Variants in PCDHGA4 observed in about 807,000 individuals in gnomAD.
The protein encoded by PCDHGA4 is protocadherin gamma subfamily A, 4, also known as protocadherin gamma-A4.
PCDHGA4 carries 38 observed loss-of-function variants against 54.6 expected under a neutral mutation model. The observed-to-expected ratio is 0.70, with a 90% CI of 0.54 to 0.91. The LOEUF (loss-of-function observed/expected upper bound fraction) is 0.91. Among genes scored for constraint, PCDHGA4 ranks in the 40% least tolerant of loss-of-function variants. The pLI is 0.00. For missense variants in PCDHGA4, 1,298 were observed against 1,220.9 expected (o/e 1.06, Z -0.94); for synonymous variants, 511 against 512.9 (o/e 1.00, Z 0.05).
At chr5:141,483,258 T>G (rs2099579023) in intron 1 of PCDHGA4, among the ~76,000 whole-genome samples, 1 of 137,930 alleles carries the variant, frequency 7.3e-6, no homozygotes, top group South Asian at 2.1e-4. Flanking sequence ...TCATGAGGTT[T>G]TTTTGTTTTA....
At chr5:141,422,989 C>T (rs777558098) in intron 1 of PCDHGA4, 1 of 1,614,232 alleles carries the variant, frequency 6.2e-7, no homozygotes, top group African/African-American at 1.3e-5. Flanking sequence ...ACCTGGCTAC[C>T]TGGTGACCAA....
rs774992336 is a variant in PCDHGA4, at chr5:141,409,845, T to G, written c.2514+52224T>G. The G allele has an allele frequency of 7.4e-6, 12 of 1,611,748 alleles. No homozygotes were observed. In the African/African-American group the frequency reaches 1.6e-4, roughly 22 times the overall value. On this transcript the variant is annotated intron_variant, in intron 1 of 3. Coordinates refer to ENST00000571252, the MANE Select transcript of PCDHGA4 (RefSeq NM_018917.4). ...CCCACGCTCAGCGCCAACGTGAGCCTGCGCGTGTTGGTGGGAGACCGCAAT... is the reference window on the plus strand; with the variant it reads ...CCCACGCTCAGCGCCAACGTGAGCCGGCGCGTGTTGGTGGGAGACCGCAAT...
intron 1 of PCDHGA4, among the ~76,000 whole-genome samples, chr5:141,449,310 A>G (rs1006876700): frequency 4.6e-5 from 7 of 152,112 alleles, no homozygotes; most frequent in Non-Finnish European, 7.4e-5. Context: ...TATGTATTAT[A>G]TAATTGTATC....
At chr5:141,403,804 T>G (rs2094456767) in intron 1 of PCDHGA4, 1 of 1,613,764 alleles carries the variant, frequency 6.2e-7, no homozygotes, top group Non-Finnish European at 8.5e-7. Context: ...TCTGGAAAAT[T>G]AATGAAAAAC....
intron 1 of PCDHGA4, chr5:141,408,627 T>A: frequency 6.2e-7 from 1 of 1,613,916 alleles, no homozygotes; most frequent in Admixed American, 1.7e-5. Flanking sequence ...CATTTAGAAA[T>A]TTTCGAATCT....
At chr5:141,388,622 A>G (rs754411917) in intron 1 of PCDHGA4, 3 of 1,613,952 alleles carry the variant, frequency 1.9e-6, no homozygotes, top group South Asian at 1.1e-5. Flanking sequence ...GTCAAGACGT[A>G]TACAGGGTGA....
chr5:141,430,155 A>G (rs1440666899), intron 1 of PCDHGA4, among the ~76,000 whole-genome samples: 7 of 152,184 alleles, frequency 4.6e-5, no homozygotes, highest in Admixed American at 1.3e-4. Flanking sequence ...CATTCAAGGA[A>G]TCTATTTAAA....
chr5:141,466,746 T>C (rs1035272591), intron 1 of PCDHGA4, among the ~76,000 whole-genome samples: 1 of 152,224 alleles, frequency 6.6e-6, no homozygotes, highest in African/African-American at 2.4e-5. Context: ...GTTACTCTGA[T>C]AGGGGCTCTT....
intron 1 of PCDHGA4, among the ~76,000 whole-genome samples, chr5:141,455,028 G>A (rs2098810519): frequency 6.6e-6 from 1 of 150,780 alleles, no homozygotes; most frequent in Non-Finnish European, 1.5e-5. Flanking sequence ...TAGCCAGGAT[G>A]GTCTCGATCT....
intron 1 of PCDHGA4, chr5:141,388,386 C>G: frequency 6.2e-7 from 1 of 1,613,944 alleles, no homozygotes; most frequent in Non-Finnish European, 8.5e-7. Flanking sequence ...CAACACACTG[C>G]AGAATTACCA....
intron 1 of PCDHGA4, chr5:141,423,700 G>A (rs753612385): frequency 7.5e-7 from 1 of 1,324,816 alleles, no homozygotes; most frequent in Non-Finnish European, 9.8e-7. Context: ...TTGGTGTCTT[G>A]GCACAAGTCT....
chr5:141,372,626 C>A lies in PCDHGA4; in HGVS notation c.2514+15005C>A, dbSNP rs1385028650. Reference sequence around the variant, plus strand: ...TACCTGGAGTTCTCCCCACCTACAGCGAAAGGACTTTGCCTTATTCCTACA... The same window carrying A: ...TACCTGGAGTTCTCCCCACCTACAGAGAAAGGACTTTGCCTTATTCCTACA... On this transcript the variant is annotated intron_variant, in intron 1 of 3. Coordinates refer to ENST00000571252, the MANE Select transcript of PCDHGA4 (RefSeq NM_018917.4). 5 of 1,613,792 alleles carry A rather than the reference C, an allele frequency of 3.1e-6. No individual in the cohort carries two copies. The African/African-American group carries it at 6.7e-5, about 22-fold the overall frequency.
chr5:141,421,219 G>C (rs894586889), intron 1 of PCDHGA4: 1 of 1,573,208 alleles, frequency 6.4e-7, no homozygotes. Context: ...TATCGGCTTA[G>C]AGCCTGCCAT....
intron 1 of PCDHGA4, chr5:141,375,374 C>T: frequency 2.5e-6 from 4 of 1,613,952 alleles, no homozygotes; most frequent in Non-Finnish European, 3.4e-6. Flanking sequence ...AGGAACACCA[C>T]CTCTGTCTAC....
intron 1 of PCDHGA4, among the ~76,000 whole-genome samples, chr5:141,482,442 C>T (rs942933015): frequency 1.4e-5 from 2 of 147,678 alleles, no homozygotes; most frequent in Non-Finnish European, 3.0e-5. Flanking sequence ...CTGATATTCA[C>T]CATTTATTAG....
chr5:141,371,219 C>T, intron 1 of PCDHGA4: 13 of 1,613,954 alleles, frequency 8.1e-6, no homozygotes, highest in Middle Eastern at 1.6e-4. Flanking sequence ...GCATCAATGC[C>T]GAAATCATCT....
At chr5:141,509,625 G>T (rs915049847) in intron 3 of PCDHGA4, among the ~76,000 whole-genome samples, 1 of 152,186 alleles carries the variant, frequency 6.6e-6, no homozygotes, top group Non-Finnish European at 1.5e-5. Flanking sequence ...AAGTTCCTGG[G>T]TGATGCTGAG....
intron 1 of PCDHGA4, chr5:141,393,911 T>C: frequency 3.7e-6 from 6 of 1,614,002 alleles, no homozygotes; most frequent in Non-Finnish European, 5.1e-6. Context: ...GGACAGTAAT[T>C]GCCTTCTTGA....
chr5:141,424,616 T>C (rs1487572877), intron 1 of PCDHGA4: 1 of 152,152 alleles, frequency 6.6e-6, no homozygotes, highest in Non-Finnish European at 1.5e-5. Flanking sequence ...TCAAATAGAG[T>C]AGTTTGTGAA....
Sources: gnomAD v4.1 joint callset for allele counts (sites outside exome capture counted in the v4.1 genomes callset) on GRCh38, gnomAD v4.1.1 for gene constraint, MANE v1.5 for transcripts, NCBI Gene and HGNC (gene_info 2026-07-23, HGNC 2026-07-21) for gene names.